Variants in RYR3 observed in about 807,000 individuals in gnomAD.
The protein encoded by RYR3 is ryanodine receptor 3.
Under a neutral mutation model 584.3 loss-of-function variants are expected in RYR3, and 207 were observed. That is an observed-to-expected ratio of 0.35 (90% confidence interval 0.32 to 0.40). RYR3 has a LOEUF of 0.40. Ranked by LOEUF, RYR3 falls within the 10% of genes least tolerant of loss-of-function variation. The pLI is 1.00. For missense variants in RYR3, 5,616 were observed against 6,089.2 expected (o/e 0.92, Z 2.59); for synonymous variants, 2,416 against 2,248.5 (o/e 1.07, Z -2.11).
At position 33,839,061 on chromosome 15, in the gene RYR3, C is replaced by G. The variant is rs966553942; in HGVS notation, c.12978+103C>G. The G allele has an allele frequency of 2.0e-4, 272 of 1,366,692 alleles. 1 individual carries two copies. The African/African-American group carries it at 3.5e-3, about 18-fold the overall frequency. 84.7% of individuals were successfully genotyped at this position (1,366,692 alleles called of 1,614,324 possible). A position where few individuals can be genotyped will look rare whatever the true frequency, so the allele number is the denominator to read the frequency against. Reference sequence around the variant, plus strand: ...CACCATTTCCCTAGGAGCCAACACTCTATGTTAGACAGTGGCTGTGGTGTG... The same window carrying G: ...CACCATTTCCCTAGGAGCCAACACTGTATGTTAGACAGTGGCTGTGGTGTG... On this transcript the variant is annotated intron_variant, in intron 89 of 103. Coordinates refer to ENST00000634891, the MANE Select transcript of RYR3 (RefSeq NM_001036.6).
chr15:33,364,848 A>T (rs1975259711), intron 1 of RYR3, among the ~76,000 whole-genome samples: 1 of 152,222 alleles, frequency 6.6e-6, no homozygotes, highest in Non-Finnish European at 1.5e-5. Context: ...AGAGCAGTAG[A>T]TGTAATTCCA....
chr15:33,634,176 C>T (rs1044172987), intron 24 of RYR3, among the ~76,000 whole-genome samples: 19 of 152,036 alleles, frequency 1.2e-4, no homozygotes, highest in Admixed American at 7.9e-4. Context: ...CTCAGCCTCC[C>T]GAGTAGCTGG....
chr15:33,372,454 TC>T, intron 1 of RYR3, among the ~76,000 whole-genome samples: 1 of 138,914 alleles, frequency 7.2e-6, no homozygotes, highest in Middle Eastern at 4.2e-3. Context: ...AAGCTCCACC[TC>T]CTGGGTTCAC....
chr15:33,362,129 C>A (rs1974853872), intron 1 of RYR3, among the ~76,000 whole-genome samples: 1 of 152,126 alleles, frequency 6.6e-6, no homozygotes. Context: ...GCACCCTTGC[C>A]CCCTGCGGTG....
At chr15:33,765,632 C>CAAAAAAAAAAAA (rs761552773) in intron 60 of RYR3, among the ~76,000 whole-genome samples, 1 of 60,952 alleles carries the variant, frequency 1.6e-5, no homozygotes, top group Non-Finnish European at 3.3e-5. Flanking sequence ...GACTCCGTCT[C>CAAAAAAAAAAAA]AAAAAAAAAA....
chr15:33,746,141 A>C lies in RYR3; in HGVS notation c.7973A>C (p.Lys2658Thr). 1 of 1,596,144 alleles carries C rather than the reference A, an allele frequency of 6.3e-7. No homozygotes were observed. Among genetic ancestry groups the C allele is most frequent in the East Asian group, 2.3e-5 (1 of 44,234 alleles). ...ACCCACCCACTGATAAGGCCTTTCA[A>C]GACATTAACGGAGAAGGTAAGAAGC... The part of the protein sequence containing the change: ...VKTHPLIRPF[K>T]TLTEKEKEIY... Residue 2658 changes from lysine (K) to threonine (T), a missense_variant, in exon 53 of 104, where the codon AAG becomes ACG. Coordinates refer to ENST00000634891, the MANE Select transcript of RYR3 (RefSeq NM_001036.6).
In RYR3 at chr15:33,390,526, G is replaced by A. The variant is rs141695505; in HGVS notation, c.51+79430G>A. ...GAAAGTTCGACGCATTTGTTTTCAC[G>A]ACTTCTTCTTCAGGGGGTGATAGGT... On this transcript the variant is annotated intron_variant, in intron 1 of 103. Transcript: ENST00000634891. This position sits in a 1 kb window ranked among gnomAD's most constrained non-coding sequence, Gnocchi z 4.2. 6.6e-6 allele frequency among the ~76,000 whole-genome samples: 1 copy of A among 152,110 alleles called. No individual in the cohort carries two copies. Among genetic ancestry groups the A allele is most frequent in the Non-Finnish European group, 1.5e-5 (1 of 68,026 alleles).
At chr15:33,706,823 C>A in intron 42 of RYR3, 96 bp from the exon 43 acceptor site, 2 of 1,249,144 alleles carry the variant, frequency 1.6e-6, no homozygotes, top group Non-Finnish European at 2.2e-6. Flanking sequence ...TCCAACTTCT[C>A]TACATCCTCA....
At chr15:33,654,564 C>T (rs2062710461) in intron 32 of RYR3, among the ~76,000 whole-genome samples, 1 of 151,522 alleles carries the variant, frequency 6.6e-6, no homozygotes, top group South Asian at 2.1e-4. Flanking sequence ...GTGTTGAATA[C>T]ATAGCTCAAG....
chr15:33,420,211 A>C (rs1233895313), intron 1 of RYR3, among the ~76,000 whole-genome samples: 2 of 152,094 alleles, frequency 1.3e-5, no homozygotes, highest in Non-Finnish European at 2.9e-5. Context: ...AGAGTGGGAG[A>C]GGGGAAATGG....
chr15:33,771,494 A>G (rs1050633665), intron 62 of RYR3, among the ~76,000 whole-genome samples: 2 of 151,840 alleles, frequency 1.3e-5, no homozygotes, highest in African/African-American at 2.4e-5. Flanking sequence ...AGATCACACC[A>G]TTGCAGTCCA....
At chr15:33,787,216 A>G (rs2074786595) in intron 66 of RYR3, among the ~76,000 whole-genome samples, 1 of 152,196 alleles carries the variant, frequency 6.6e-6, no homozygotes, top group Non-Finnish European at 1.5e-5. Flanking sequence ...TAGTAACCCC[A>G]AATCACCCAC....
intron 12 of RYR3, among the ~76,000 whole-genome samples, chr15:33,570,106 T>G (rs1425803829): frequency 1.3e-5 from 2 of 152,146 alleles, no homozygotes; most frequent in Non-Finnish European, 2.9e-5. Context: ...TTAACATATT[T>G]ATGGATTCTG....
At chr15:33,681,947 C>A (rs1029051269) in intron 38 of RYR3, among the ~76,000 whole-genome samples, 1 of 149,664 alleles carries the variant, frequency 6.7e-6, no homozygotes, top group Non-Finnish European at 1.5e-5. Flanking sequence ...TACTTCATTG[C>A]GTGATGGCCA....
chr15:33,807,747 C>T, intron 70 of RYR3, 178 bp downstream of exon 70: 3 of 654,402 alleles, frequency 4.6e-6, no homozygotes, highest in South Asian at 3.8e-5. Flanking sequence ...GTAGGCCTAC[C>T]CACCCTTGGA....
rs140242884 is a variant in RYR3, at chr15:33,376,311, T to G, written c.51+65215T>G. Among the ~76,000 whole-genome samples the G allele has an allele frequency of 3.0e-3, 454 of 152,326 alleles. 2 individuals carry two copies. Among genetic ancestry groups the G allele is most frequent in the African/African-American group, 0.01 (429 of 41,574 alleles). ...AGTGTATCAGTAGTTTGTTCCTTTT[T>G]ATTGTTGAGTAATATTCCTTTGTAT... On this transcript the variant is annotated intron_variant, in intron 1 of 103. Coordinates refer to ENST00000634891, the MANE Select transcript of RYR3 (RefSeq NM_001036.6).
intron 1 of RYR3, among the ~76,000 whole-genome samples, chr15:33,435,968 C>G (rs138700397): frequency 1.3e-4 from 19 of 147,790 alleles, no homozygotes; most frequent in South Asian, 4.3e-4. Flanking sequence ...AGTTCTGATT[C>G]GTCAATTTTA....
intron 28 of RYR3, among the ~76,000 whole-genome samples, chr15:33,644,806 A>G (rs1346458858): frequency 6.6e-6 from 1 of 152,196 alleles, no homozygotes; most frequent in Non-Finnish European, 1.5e-5. Context: ...GTGTTGTCAT[A>G]GTAATATAGT....
At chr15:33,572,457 G>A (rs900199074) in intron 12 of RYR3, among the ~76,000 whole-genome samples, 3 of 151,536 alleles carry the variant, frequency 2.0e-5, no homozygotes, top group Admixed American at 6.6e-5. Flanking sequence ...CTGCTTGTGC[G>A]GGAATGAATA....
Sources: allele counts gnomAD v4.1 joint callset (sites outside exome capture counted in the v4.1 genomes callset), GRCh38; gene constraint gnomAD v4.1.1; non-coding constraint Gnocchi (gnomAD v3.1); transcripts MANE v1.5; gene names NCBI Gene and HGNC (gene_info 2026-07-23, HGNC 2026-07-21).